MUC12: variants seen among roughly 807,000 people sequenced by gnomAD.
MUC12 encodes the protein mucin 12, cell surface associated, also known as mucin-12.
In MUC12, 172 loss-of-function variants were observed where a neutral mutation model predicts 230.8. The ratio of observed to expected loss-of-function variants is 0.75; its 90% confidence interval spans 0.66 to 0.85. The LOEUF is 0.85. Ranked by LOEUF, MUC12 falls within the 40% of genes least tolerant of loss-of-function variation. MUC12 has a pLI of 0.00. For missense variants in MUC12, 3,506 were observed against 5,920.6 expected (o/e 0.59, Z 13.38); for synonymous variants, 1,259 against 2,401.9 (o/e 0.52, Z 13.91).
intron 1 of MUC12, among the ~76,000 whole-genome samples, chr7:100,971,285 G>A (rs112909775): frequency 0.19 from 28,142 of 151,648 alleles, 209 homozygotes; most frequent in African/African-American, 0.36. Context: ...ACTCTGACCC[G>A]CTGATTTCCC....
intron 1 of MUC12, among the ~76,000 whole-genome samples, chr7:100,984,582 GT>G (rs1166890635): frequency 5.3e-5 from 8 of 150,782 alleles, no homozygotes; most frequent in Non-Finnish European, 7.4e-5. Flanking sequence ...ATGTGTTTTT[GT>G]TTTTTTTTAA....
rs761072500 is a variant in MUC12 at position 101,018,584 on chromosome 7, C to A, written c.15967-11C>A. ...GCCCCTTGGCCTCACCTCTTCTCTC[C>A]CGTCCCCCAGCTCCACATCCAGAGG... On this transcript the variant is annotated splice_polypyrimidine_tract_variant and intron_variant, in intron 11 of 11. Transcript: ENST00000536621. 4.6e-6 allele frequency: 7 copies of A among 1,536,204 alleles called. 1 individual carries two copies. In the South Asian group the frequency reaches 8.3e-5, roughly 18 times the overall value.
chr7:101,007,023 A>G (rs566347628), intron 3 of MUC12, among the ~76,000 whole-genome samples: 2 of 152,220 alleles, frequency 1.3e-5, no homozygotes, highest in South Asian at 4.1e-4. Context: ...TGATGGCACG[A>G]TCTTGGCTCA....
At chr7:100,987,058 TG>T in intron 1 of MUC12, among the ~76,000 whole-genome samples, 12 of 118,426 alleles carry the variant, frequency 1.0e-4, no homozygotes, top group Admixed American at 3.4e-4. Context: ...GCCAAGATAA[TG>T]GTTTTTTTTT....
At chr7:101,006,206 G>A (rs931545499) in intron 2 of MUC12, among the ~76,000 whole-genome samples, 4 of 152,182 alleles carry the variant, frequency 2.6e-5, no homozygotes, top group African/African-American at 9.6e-5. Context: ...CATGGGTAGA[G>A]TTGTCTTCTT....
intron 1 of MUC12, among the ~76,000 whole-genome samples, chr7:100,987,725 C>T (rs1396152806): frequency 6.6e-6 from 1 of 152,108 alleles, no homozygotes; most frequent in African/African-American, 2.4e-5. Flanking sequence ...GTAATCCCAG[C>T]ACTTTGGGAG....
At position 101,004,688 on chromosome 7, in the gene MUC12, G is replaced by A; in HGVS notation, c.14125G>A (p.Ala4709Thr). The A allele has an allele frequency of 6.5e-7, 1 of 1,537,744 alleles. No homozygotes were observed. ...CCATTTTACTACCTCAGGCCGCATTGCAGAATCTACCACCTTCTATATCTC... is the reference window on the plus strand; with the variant it reads ...CCATTTTACTACCTCAGGCCGCATTACAGAATCTACCACCTTCTATATCTC... Reference protein sequence around the residue: ...PAHFTTSGRIAESTTFYISPG... With the variant: ...PAHFTTSGRITESTTFYISPG... Residue 4709 changes from alanine to threonine, a missense_variant, in exon 2 of 12, where the codon GCA becomes ACA. Physicochemically the swap from Ala to Thr is moderately conservative, Grantham distance 58. Transcript: ENST00000536621.
Position 100,992,951 on chromosome 7 carries a change from G to T in MUC12, c.2388G>T (p.Thr796=), listed in dbSNP as rs200830580. The change falls in exon 2 of 12, where the codon ACG becomes ACT. Residue 796 remains threonine (T), a synonymous_variant. Transcript: ENST00000536621. ...CCTCAGTTCTTCTTGGAGAATCTAC[G>T]ACCTCACCCATCAGTTCAGGCTCAA... ...STTSVLLGES[T]TSPISSGSME... 6.5e-7 allele frequency: 1 copy of T among 1,536,998 alleles called. No homozygotes were observed. The highest frequency in any genetic ancestry group is 1.4e-5 in the African/African-American group (1 of 72,672).
intron 4 of MUC12, 96 bp from the exon 5 acceptor site, chr7:101,008,999 C>T: frequency 7.1e-7 from 1 of 1,409,046 alleles, no homozygotes; most frequent in Non-Finnish European, 9.7e-7. Context: ...CTTACCTGGG[C>T]TCCACAGAAA....
rs1424319640 is a variant in MUC12, at chr7:101,005,335, C to T, written c.14772C>T (p.Ser4924=). The part of the protein sequence containing the change: ...ATGTTPLPAR[S]TASDLVGEPT... ...GAACAACACCCTTACCTGCCCGCTCCACAGCCTCAGACCTTGTTGGAGAAC... is the reference window on the plus strand; with the variant it reads ...GAACAACACCCTTACCTGCCCGCTCTACAGCCTCAGACCTTGTTGGAGAAC... Residue 4924 remains serine, a synonymous_variant, in exon 2 of 12, where the codon TCC becomes TCT. Transcript: ENST00000536621. 1.2e-5 allele frequency: 19 copies of T among 1,537,838 alleles called. No homozygotes were observed. The highest frequency in any genetic ancestry group is 1.2e-4 in the Admixed American group (6 of 50,988).
At position 101,005,450 on chromosome 7, in the gene MUC12, A is replaced by G. The variant is rs1231871565; in HGVS notation, c.14887A>G (p.Thr4963Ala). Residue 4963 changes from threonine to alanine, a missense_variant, in exon 2 of 12, where the codon ACC becomes GCC. Transcript: ENST00000536621. ...STSGLTEESTTFHTSPSFTST... is the reference protein window; with the variant it reads ...STSGLTEESTAFHTSPSFTST... Reference sequence around the variant, plus strand: ...ATCAGGCCTCACTGAGGAATCTACCACCTTCCACACCAGTCCAAGCTTCAC... The same window carrying G: ...ATCAGGCCTCACTGAGGAATCTACCGCCTTCCACACCAGTCCAAGCTTCAC... The G allele has an allele frequency of 5.2e-6, 8 of 1,537,600 alleles. No homozygotes were observed. Among genetic ancestry groups the G allele is most frequent in the South Asian group, 1.2e-5 (1 of 84,056 alleles).
chr7:100,995,434 C>T lies in MUC12; in HGVS notation c.4871C>T (p.Thr1624Ile). 1 of 1,533,926 alleles carries T rather than the reference C, an allele frequency of 6.5e-7. No homozygotes were observed. Among genetic ancestry groups the T allele is most frequent in the South Asian group, 1.2e-5 (1 of 83,790 alleles). The change falls in exon 2 of 12, where the codon ACA (threonine) becomes ATA (isoleucine). Residue 1624 changes from threonine to isoleucine, a missense_variant. By Grantham distance (89) the Thr-to-Ile change is moderately conservative (BLOSUM62 -1). Coordinates refer to ENST00000536621, the MANE Select transcript of MUC12 (RefSeq NM_001164462.2). ...ACAACATTGTCCCCTGGCAGTACCACAGCATCATCCCTTGGTCCAGAATCT... is the reference window on the plus strand; with the variant it reads ...ACAACATTGTCCCCTGGCAGTACCATAGCATCATCCCTTGGTCCAGAATCT... Reference protein sequence around the residue: ...TDTTLSPGSTTASSLGPESTT... With the variant: ...TDTTLSPGSTIASSLGPESTT...
intron 1 of MUC12, 46 bp from the exon 2 acceptor site, chr7:100,990,585 A>G (rs2116297436): frequency 6.5e-7 from 1 of 1,534,196 alleles, no homozygotes; most frequent in Non-Finnish European, 8.7e-7. Context: ...ACATGAGGAG[A>G]CAGTCATAAA....
Position 101,012,891 on chromosome 7 carries a change from G to C in MUC12, c.15475+1G>C. ...GTGACTCCGGGCTTTGACTTCCAGG[G>C]TAAGCGACTACGTGGAGCGTGGGCA... On this transcript the variant is annotated splice_donor_variant, in intron 7 of 11. Transcript: ENST00000536621. LOFTEE classifies it high-confidence loss of function. 1.3e-6 allele frequency: 2 copies of C among 1,537,264 alleles called. No individual in the cohort carries two copies. Among genetic ancestry groups the C allele is most frequent in the Non-Finnish European group, 1.7e-6 (2 of 1,146,920 alleles).
At chr7:100,979,462 C>CAAAAT (rs149026343) in intron 1 of MUC12, among the ~76,000 whole-genome samples, 8,972 of 151,412 alleles carry the variant, frequency 0.059, 320 homozygotes, top group African/African-American at 0.1. Context: ...TAAAATAAAG[C>CAAAAT]AAAATAAAAT....
Position 100,991,430 on chromosome 7 carries a change from T to G in MUC12, c.867T>G (p.Pro289=), listed in dbSNP as rs1183154898. 14 of 1,537,692 alleles carry G rather than the reference T, an allele frequency of 9.1e-6. No individual in the cohort carries two copies. Among genetic ancestry groups the G allele is most frequent in the Non-Finnish European group, 1.2e-5 (14 of 1,147,054 alleles). The part of the protein sequence containing the change: ...QSWPSSKDTS[P]APSGTTSAFV... ...GGCCAAGCTCAAAGGACACTTCGCC[T>G]GCACCTTCTGGTACCACATCAGCCT... Residue 289 remains proline, a synonymous_variant, in exon 2 of 12, where the codon CCT becomes CCG. Transcript: ENST00000536621.
intron 4 of MUC12, 44 bp downstream of exon 4, chr7:101,008,805 G>T (rs748784117): frequency 2.0e-6 from 3 of 1,513,474 alleles, no homozygotes; most frequent in African/African-American, 1.4e-5. Flanking sequence ...GATGTCCCAC[G>T]TGAGAGGAAA....
chr7:100,980,171 G>C (rs1031446673), intron 1 of MUC12, among the ~76,000 whole-genome samples: 3 of 152,062 alleles, frequency 2.0e-5, no homozygotes, highest in African/African-American at 7.2e-5. Flanking sequence ...AGCCTCCCGA[G>C]TAGCTGGGTC....
At chr7:101,014,161 C>T (rs1793881022) in intron 9 of MUC12, 87 bp downstream of exon 9, 1 of 1,379,288 alleles carries the variant, frequency 7.3e-7, no homozygotes, top group South Asian at 1.6e-5. Flanking sequence ...AGGCTCTGCT[C>T]CTTCCAGGCC....
Sources: gnomAD v4.1 joint callset for allele counts (sites outside exome capture counted in the v4.1 genomes callset) on GRCh38, gnomAD v4.1.1 for gene constraint, MANE v1.5 for transcripts, NCBI Gene and HGNC (gene_info 2026-07-23, HGNC 2026-07-21) for gene names.